Variants in TULP4 observed in about 807,000 individuals in gnomAD.
The protein encoded by TULP4 is TUB like protein 4, also known as tubby-related protein 4.
A neutral mutation model predicts 129.0 loss-of-function variants in TULP4; 16 were observed. That is an observed-to-expected ratio of 0.12 (90% confidence interval 0.08 to 0.19). TULP4 has a LOEUF of 0.19. Ranked by LOEUF, TULP4 falls within the 10% of genes least tolerant of loss-of-function variation. The pLI, the probability that TULP4 is intolerant of heterozygous loss-of-function variation, is 1.00. For missense variants in TULP4, 1,842 were observed against 2,059.1 expected, an observed-to-expected ratio of 0.89 and a Z score of 2.04; for synonymous variants, 998 against 854.0, an observed-to-expected ratio of 1.17 and a Z score of -2.94.
At chr6:158,504,513 A>ATTTTTT (rs769598967) in intron 13 of TULP4, among the ~76,000 whole-genome samples, 64 of 138,946 alleles carry the variant, frequency 4.6e-4, no homozygotes, top group African/African-American at 1.4e-3. Context: ...TGCCCGGCTA[A>ATTTTTT]TTTTTTTTTT....
At chr6:158,302,835 A>G (rs1249281745) in intron 1 of TULP4, among the ~76,000 whole-genome samples, 1 of 151,924 alleles carries the variant, frequency 6.6e-6, no homozygotes. Context: ...TGTGTCAGCA[A>G]ATCTCTACCC....
At chr6:158,238,364 G>C in intron 1 of TULP4, 1 of 721,458 alleles carries the variant, frequency 1.4e-6, no homozygotes. Context: ...GATATTTTGA[G>C]GCATTGTTCG....
At chr6:158,476,096 C>T (rs1779810799) in intron 6 of TULP4, among the ~76,000 whole-genome samples, 1 of 152,176 alleles carries the variant, frequency 6.6e-6, no homozygotes, top group Non-Finnish European at 1.5e-5. Flanking sequence ...ACTCCTTCCC[C>T]GTTTTTCTAG....
rs12190296 is a variant in TULP4 at position 158,493,900 on chromosome 6, T to G, written c.1776+183T>G. On this transcript the variant is annotated intron_variant, in intron 10 of 13. Transcript: ENST00000367097. This position sits in a 1 kb window ranked among gnomAD's most constrained non-coding sequence, Gnocchi z 4.4. ...CAGGTGGAGCTCTGGCTTCTCCACC[T>G]GTGCCCCTCAGCCAGTTCTGATCTT... 6.6e-6 allele frequency among the ~76,000 whole-genome samples: 1 copy of G among 152,176 alleles called. No homozygotes were observed.
rs140319361 is a variant in TULP4 at position 158,363,127 on chromosome 6, T to A, written c.252+48859T>A. On this transcript the variant is annotated intron_variant, in intron 1 of 13. Coordinates refer to ENST00000367097, the MANE Select transcript of TULP4 (RefSeq NM_020245.5). ...AGGGCCAGGGAGTATTGTCCAGCTA[T>A]TCACTGTTTAGAGCTAATACTTCCT... Among the ~76,000 whole-genome samples, 305 of 151,640 alleles carry A rather than the reference T, an allele frequency of 2.0e-3. 2 individuals carry two copies. The highest frequency in any genetic ancestry group is 6.5e-3 in the African/African-American group (269 of 41,306).
intron 1 of TULP4, among the ~76,000 whole-genome samples, chr6:158,381,013 G>A (rs1389862487): frequency 6.6e-6 from 1 of 152,010 alleles, no homozygotes; most frequent in Non-Finnish European, 1.5e-5. Context: ...CTTGGAAGGG[G>A]AGCCCTTCCG....
intron 1 of TULP4, among the ~76,000 whole-genome samples, chr6:158,293,692 T>C (rs1583711262): frequency 6.6e-6 from 1 of 152,170 alleles, no homozygotes; most frequent in Admixed American, 6.5e-5. Context: ...AATGGGAAAA[T>C]GATTTGAGAC....
At chr6:158,268,819 C>CT (rs746095554) in intron 1 of TULP4, among the ~76,000 whole-genome samples, 2 of 152,048 alleles carry the variant, frequency 1.3e-5, no homozygotes, top group Admixed American at 1.3e-4. Flanking sequence ...TTTTATATGA[C>CT]TTTTTTTCCT....
At chr6:158,277,420 C>T (rs1778666871), upstream of TULP4, among the ~76,000 whole-genome samples, 1 of 152,202 alleles carries the variant, frequency 6.6e-6, no homozygotes, top group Non-Finnish European at 1.5e-5. Context: ...TACAGATTAG[C>T]CTGTGTAGCA....
intron 2 of TULP4, among the ~76,000 whole-genome samples, chr6:158,421,431 C>T (rs1778338310): frequency 6.6e-6 from 1 of 151,558 alleles, no homozygotes; most frequent in African/African-American, 2.4e-5. Context: ...CCGGGAGGTT[C>T]CAGGCTATGG....
intron 1 of TULP4, among the ~76,000 whole-genome samples, chr6:158,391,263 C>G (rs1777578664): frequency 6.6e-6 from 1 of 152,058 alleles, no homozygotes; most frequent in Non-Finnish European, 1.5e-5. Context: ...TAAGGAAATA[C>G]TTTATGAAGT....
At chr6:158,321,564 T>C (rs1434547876) in intron 1 of TULP4, among the ~76,000 whole-genome samples, 2 of 152,154 alleles carry the variant, frequency 1.3e-5, no homozygotes, top group Admixed American at 6.5e-5. Context: ...ATCAGTTCCA[T>C]GCACTGTTTC....
intron 1 of TULP4, among the ~76,000 whole-genome samples, chr6:158,382,956 A>G (rs916920280): frequency 6.6e-6 from 1 of 152,190 alleles, no homozygotes; most frequent in Admixed American, 6.5e-5. Context: ...CGAAAAGGAG[A>G]TCCTGAGAGG....
At chr6:158,291,809 T>C (rs965489332) in intron 1 of TULP4, among the ~76,000 whole-genome samples, 2 of 152,248 alleles carry the variant, frequency 1.3e-5, no homozygotes, top group South Asian at 2.1e-4. Context: ...GCTGATGTCT[T>C]AATTGTAGAC....
At chr6:158,291,974 A>AT (rs560887580) in intron 1 of TULP4, among the ~76,000 whole-genome samples, 226 of 152,272 alleles carry the variant, frequency 1.5e-3, no homozygotes, top group African/African-American at 5.0e-3. Flanking sequence ...GGGGATCTAA[A>AT]TTTGTTGTTT....
rs780461485 is a variant in TULP4, at chr6:158,502,466, C to T, written c.2803C>T (p.Pro935Ser). 6.2e-7 allele frequency: 1 copy of T among 1,613,564 alleles called. No individual in the cohort carries two copies. The highest frequency in any genetic ancestry group is 2.2e-5 in the East Asian group (1 of 44,864). ...LRLTATEKKV[P>S]QPCSSATLNR... ...GCTCACGGCCACTGAGAAGAAGGTCCCTCAGCCCTGCAGCAGTGCCACCCT... is the reference window on the plus strand; with the variant it reads ...GCTCACGGCCACTGAGAAGAAGGTCTCTCAGCCCTGCAGCAGTGCCACCCT... Residue 935 changes from proline to serine, a missense_variant, in exon 13 of 14, where the codon CCT becomes TCT. By Grantham distance (74) the Pro-to-Ser change is moderately conservative. Coordinates refer to ENST00000367097, the MANE Select transcript of TULP4 (RefSeq NM_020245.5).
intron 1 of TULP4, among the ~76,000 whole-genome samples, chr6:158,276,293 TTTC>T (rs139956815): frequency 0.15 from 22,245 of 148,848 alleles, 2,360 homozygotes; most frequent in East Asian, 0.43. Flanking sequence ...TTCTTCCTTC[TTTC>T]TTCTTCTTTC....
At chr6:158,284,041 C>A (rs577807174) in intron 1 of TULP4, among the ~76,000 whole-genome samples, 1 of 152,248 alleles carries the variant, frequency 6.6e-6, no homozygotes, top group East Asian at 1.9e-4. Context: ...CTTAGAAATA[C>A]TGCAAAAGAT....
intron 1 of TULP4, among the ~76,000 whole-genome samples, chr6:158,235,916 C>T (rs77809154): frequency 1.4e-4 from 21 of 152,266 alleles, no homozygotes; most frequent in East Asian, 9.6e-4. Context: ...TGCATAGAAA[C>T]TCTTTAAAAT....
Sources: allele counts gnomAD v4.1 joint callset (sites outside exome capture counted in the v4.1 genomes callset), GRCh38; gene constraint gnomAD v4.1.1; non-coding constraint Gnocchi (gnomAD v3.1); transcripts MANE v1.5; gene names NCBI Gene and HGNC (gene_info 2026-07-23, HGNC 2026-07-21).